ATP2B1: variants seen among roughly 807,000 people sequenced by gnomAD.
ATP2B1 encodes ATPase plasma membrane Ca2+ transporting 1, also known as plasma membrane calcium-transporting ATPase 1.
In ATP2B1, 14 loss-of-function variants were observed where a neutral mutation model predicts 124.2. That is an observed-to-expected ratio of 0.11 (90% CI 0.07 to 0.18). The LOEUF is 0.18. Ranked by LOEUF, ATP2B1 falls within the 10% of genes least tolerant of loss-of-function variation. The pLI, the probability that ATP2B1 is intolerant of heterozygous loss-of-function variation, is 1.00. For missense variants in ATP2B1, 763 were observed against 1,466.1 expected (o/e 0.52, Z 7.83); for synonymous variants, 449 against 492.4 (o/e 0.91, Z 1.17).
At chr12:89,653,234 G>T (rs1885489628) in intron 2 of ATP2B1, among the ~76,000 whole-genome samples, 1 of 149,662 alleles carries the variant, frequency 6.7e-6, no homozygotes, top group South Asian at 2.1e-4. Flanking sequence ...GATAATGCAT[G>T]AATTTATCTA....
intron 20 of ATP2B1, 76 bp downstream of exon 20, chr12:89,599,041 G>A: frequency 1.3e-6 from 2 of 1,497,276 alleles, no homozygotes; most frequent in Non-Finnish European, 1.8e-6. Flanking sequence ...AGTTTAAGGA[G>A]CACACTCGAA....
chr12:89,665,601 C>T (rs1297070176), intron 1 of ATP2B1, among the ~76,000 whole-genome samples: 1 of 152,198 alleles, frequency 6.6e-6, no homozygotes, highest in Non-Finnish European at 1.5e-5. Context: ...CATACTATAT[C>T]TCCAGTTAAA....
intron 20 of ATP2B1, chr12:89,598,563 T>C: frequency 6.3e-7 from 1 of 1,597,086 alleles, no homozygotes; most frequent in Non-Finnish European, 8.6e-7. Context: ...AAATGTTAAT[T>C]TCATGCACTT....
chr12:89,613,212 C>T (rs891984232), intron 12 of ATP2B1, among the ~76,000 whole-genome samples: 2 of 152,114 alleles, frequency 1.3e-5, no homozygotes, highest in Non-Finnish European at 2.9e-5. Context: ...AACTCCTGAG[C>T]TCAGGCGATC....
chr12:89,696,237 A>G (rs960446671), intron 1 of ATP2B1, among the ~76,000 whole-genome samples: 2 of 152,246 alleles, frequency 1.3e-5, no homozygotes, highest in African/African-American at 4.8e-5. Context: ...AAGAAAAGAC[A>G]GACTCCCCAA....
chr12:89,653,283 CTTTTTT>C (rs149270069), intron 2 of ATP2B1, among the ~76,000 whole-genome samples: 40 of 76,102 alleles, frequency 5.3e-4, no homozygotes, highest in African/African-American at 1.7e-3. Flanking sequence ...GAATTTTTTT[CTTTTTT>C]TTTTTTTTTT....
rs538053831 is a variant in ATP2B1, at chr12:89,669,858, T to C, written c.-221-13751A>G. Among the ~76,000 whole-genome samples, 3 of 152,288 alleles carry C rather than the reference T, an allele frequency of 2.0e-5. No individual in the cohort carries two copies. In the South Asian group the frequency reaches 6.2e-4, roughly 32 times the overall value. On this transcript the variant is annotated intron_variant, in intron 1 of 20. Transcript: ENST00000428670. ...AAACAAAAATATTCAGTTCAGTATA[T>C]GAATGTGATGTCCTTATATATGACA...
At position 89,675,262 on chromosome 12, in the gene ATP2B1, G is replaced by C. The variant is rs558408792; in HGVS notation, c.-221-19155C>G. Among the ~76,000 whole-genome samples, 8 of 152,242 alleles carry C rather than the reference G, an allele frequency of 5.3e-5. No homozygotes were observed. In the South Asian group the frequency reaches 1.7e-3, roughly 32 times the overall value. On this transcript the variant is annotated intron_variant, in intron 1 of 20. Transcript: ENST00000428670. ...AGAATTGCTCATTAAAAATGAACTAGAAAACCTCCATTTGTTCTAGCAATA... is the reference window on the plus strand; with the variant it reads ...AGAATTGCTCATTAAAAATGAACTACAAAACCTCCATTTGTTCTAGCAATA...
intron 18 of ATP2B1, among the ~76,000 whole-genome samples, chr12:89,601,771 C>T (rs1235126172): frequency 2.0e-5 from 3 of 152,250 alleles, no homozygotes; most frequent in African/African-American, 7.2e-5. Flanking sequence ...TCCAATATAA[C>T]CCCAAGCAAC....
chr12:89,677,714 C>T (rs954645223), intron 1 of ATP2B1, among the ~76,000 whole-genome samples: 2 of 151,932 alleles, frequency 1.3e-5, no homozygotes, highest in African/African-American at 4.8e-5. Context: ...TTTTCTTCTT[C>T]TTAGACAGTA....
chr12:89,621,796 A>G lies in ATP2B1; in HGVS notation c.1345-5T>C. On this transcript the variant is annotated splice_polypyrimidine_tract_variant and splice_region_variant and intron_variant, in intron 9 of 20. Coordinates refer to ENST00000428670, the MANE Select transcript of ATP2B1 (RefSeq NM_001366521.1). ...GTTATTATCTTTCATCATTTTCTACAGTGACCAAAAAAAAAAAACTAGTTA... is the reference window on the plus strand; with the variant it reads ...GTTATTATCTTTCATCATTTTCTACGGTGACCAAAAAAAAAAAACTAGTTA... 2 of 1,409,958 alleles carry G rather than the reference A, an allele frequency of 1.4e-6. No homozygotes were observed. Among genetic ancestry groups the G allele is most frequent in the South Asian group, 2.7e-5 (2 of 72,736 alleles). 87.3% of individuals were successfully genotyped at this position (1,409,958 alleles called of 1,614,324 possible).
At chr12:89,674,808 T>C (rs1005643903) in intron 1 of ATP2B1, among the ~76,000 whole-genome samples, 8 of 152,198 alleles carry the variant, frequency 5.3e-5, no homozygotes, top group Non-Finnish European at 1.0e-4. Context: ...TGCATGTATG[T>C]TATGGAGGCA....
intron 3 of ATP2B1, among the ~76,000 whole-genome samples, chr12:89,638,840 T>C (rs909992578): frequency 6.6e-6 from 1 of 152,228 alleles, no homozygotes; most frequent in South Asian, 2.1e-4. Flanking sequence ...ATATAGTTAC[T>C]TTTGTGGTGA....
chr12:89,627,449 T>C (rs1881073729), intron 7 of ATP2B1, among the ~76,000 whole-genome samples: 1 of 150,398 alleles, frequency 6.6e-6, no homozygotes, highest in African/African-American at 2.4e-5. Flanking sequence ...GTCCCAAGCA[T>C]TTCGGATAAG....
chr12:89,700,426 G>A (rs1891704603), intron 1 of ATP2B1, among the ~76,000 whole-genome samples: 1 of 152,112 alleles, frequency 6.6e-6, no homozygotes, highest in Non-Finnish European at 1.5e-5. Context: ...AAGTTCATGA[G>A]TCATTTTTTA....
intron 2 of ATP2B1, among the ~76,000 whole-genome samples, chr12:89,655,051 T>G (rs1358015392): frequency 6.6e-6 from 1 of 152,152 alleles, no homozygotes; most frequent in Non-Finnish European, 1.5e-5. Context: ...TCCTTTTTGA[T>G]TCTCAAAAGG....
chr12:89,683,722 T>C (rs2136659323), intron 1 of ATP2B1, among the ~76,000 whole-genome samples: 1 of 152,300 alleles, frequency 6.6e-6, no homozygotes, highest in African/African-American at 2.4e-5. Flanking sequence ...ATAAAACAAC[T>C]GTTTTACACA....
chr12:89,698,421 A>C lies in ATP2B1; in HGVS notation c.-222+10175T>G, dbSNP rs144217418. Among the ~76,000 whole-genome samples, 388 of 152,324 alleles carry C rather than the reference A, an allele frequency of 2.5e-3. 4 individuals carry two copies. The highest frequency in any genetic ancestry group is 7.3e-3 in the African/African-American group (303 of 41,562). ...TGATTCCATGTACATAAAATTCCAG[A>C]AAAGTCAAATTATTCTATAGCGACA... is the stretch of plus-strand genomic sequence containing the variant. On this transcript the variant is annotated intron_variant, in intron 1 of 20. Transcript: ENST00000428670.
At chr12:89,676,154 T>C (rs939314353) in intron 1 of ATP2B1, among the ~76,000 whole-genome samples, 1 of 152,118 alleles carries the variant, frequency 6.6e-6, no homozygotes, top group African/African-American at 2.4e-5. Context: ...TCTCTCCCAT[T>C]GTAGGTGCTC....
Sources: gnomAD v4.1 joint callset for allele counts (sites outside exome capture counted in the v4.1 genomes callset) on GRCh38, gnomAD v4.1.1 for gene constraint, MANE v1.5 for transcripts, NCBI Gene and HGNC (gene_info 2026-07-23, HGNC 2026-07-21) for gene names.